Variants in COL5A2 observed in about 807,000 individuals in gnomAD.
COL5A2 encodes the protein collagen type V alpha 2 chain.
COL5A2 carries 23 observed loss-of-function variants against 208.2 expected under a neutral mutation model. That is an observed-to-expected ratio of 0.11 (90% CI 0.08 to 0.16). The LOEUF (loss-of-function observed/expected upper bound fraction) is 0.16, where lower values mean the gene tolerates loss of function less well. Among genes scored for constraint, COL5A2 ranks in the 10% least tolerant of loss-of-function variants. The pLI is 1.00. For missense variants in COL5A2, 1,590 were observed against 1,956.4 expected (o/e 0.81, Z 3.53); for synonymous variants, 625 against 628.5 (o/e 0.99, Z 0.08).
Position 189,068,261 on chromosome 2 carries a change from C to T in COL5A2, c.1267G>A (p.Gly423Arg). The stretch of plus-strand genomic sequence containing the variant: ...TTGGCACCAGGAGTACCATCAGTTC[C>T]TATTGCACCCTAAAAGGTACATTAA... Reference protein sequence around the residue: ...VGSPGLPGAIGTDGTPGAKGP... With the variant: ...VGSPGLPGAIRTDGTPGAKGP... Residue 423 changes from glycine (G) to arginine (R), a missense_variant, in exon 20 of 54, where the codon GGA becomes AGA. By Grantham distance (125) the Gly-to-Arg change is moderately radical. Coordinates refer to ENST00000374866, the MANE Select transcript of COL5A2 (RefSeq NM_000393.5). 1.2e-6 allele frequency: 2 copies of T among 1,612,616 alleles called. No individual in the cohort carries two copies. Among genetic ancestry groups the T allele is most frequent in the Non-Finnish European group, 1.7e-6 (2 of 1,178,774 alleles).
At chr2:189,095,257 ATTCTG>A (rs1686882789) in intron 6 of COL5A2, 8 of 152,166 alleles carry the variant, frequency 5.3e-5, no homozygotes, top group Admixed American at 5.2e-4. Context: ...ACCTATGGGC[ATTCTG>A]TTACATCATG....
chr2:189,331,823 A>T, the COL5A2 span, among the ~76,000 whole-genome samples: 1 of 151,934 alleles, frequency 6.6e-6, no homozygotes, highest in South Asian at 2.1e-4. Flanking sequence ...GGTGACGGGC[A>T]CCTGTAGTCC....
chr2:189,299,425 G>A, the COL5A2 span, among the ~76,000 whole-genome samples: 5 of 152,120 alleles, frequency 3.3e-5, no homozygotes, highest in Non-Finnish European at 5.9e-5. Flanking sequence ...AGCCCACCTC[G>A]ATACGTGGCT....
the COL5A2 span, among the ~76,000 whole-genome samples, chr2:189,240,463 T>C: frequency 1.3e-5 from 2 of 152,184 alleles, no homozygotes; most frequent in East Asian, 1.9e-4. Flanking sequence ...TCAAATACTA[T>C]CACACTGGGG....
chr2:189,091,996 C>T (rs578105468), intron 7 of COL5A2, among the ~76,000 whole-genome samples: 1 of 152,194 alleles, frequency 6.6e-6, no homozygotes, highest in East Asian at 1.9e-4. Flanking sequence ...ACAGATAAAT[C>T]TCTCATTTCA....
At chr2:189,298,001 T>C in the COL5A2 span, among the ~76,000 whole-genome samples, 1 of 152,224 alleles carries the variant, frequency 6.6e-6, no homozygotes. Flanking sequence ...CAATGTAAAG[T>C]TGCAATCTCA....
At chr2:189,175,186 A>C (rs2105824336) in intron 1 of COL5A2, among the ~76,000 whole-genome samples, 1 of 152,288 alleles carries the variant, frequency 6.6e-6, no homozygotes, top group South Asian at 2.1e-4. Context: ...CACCCAGGTA[A>C]GGGCTACATT....
chr2:189,292,938 G>T, the COL5A2 span, among the ~76,000 whole-genome samples: 1 of 152,146 alleles, frequency 6.6e-6, no homozygotes, highest in South Asian at 2.1e-4. Flanking sequence ...AAAATGATGA[G>T]TTCATGTCCT....
At chr2:189,167,349 A>G (rs1348065899) in intron 1 of COL5A2, among the ~76,000 whole-genome samples, 1 of 152,174 alleles carries the variant, frequency 6.6e-6, no homozygotes, top group African/African-American at 2.4e-5. Flanking sequence ...CTTAGAGCCT[A>G]TTCACTGATT....
intron 1 of COL5A2, among the ~76,000 whole-genome samples, chr2:189,110,807 T>C (rs534682978): frequency 1.3e-5 from 2 of 152,188 alleles, no homozygotes; most frequent in South Asian, 2.1e-4. Flanking sequence ...AGAAAATGAA[T>C]AGCTCAAAGG....
the COL5A2 span, among the ~76,000 whole-genome samples, chr2:189,389,723 T>C: frequency 6.6e-6 from 1 of 152,168 alleles, no homozygotes; most frequent in Admixed American, 6.5e-5. Context: ...AGTTCCTAAT[T>C]CCCACATCTC....
chr2:189,065,069 C>G lies in COL5A2; in HGVS notation c.1564-12G>C. On this transcript the variant is annotated splice_polypyrimidine_tract_variant and intron_variant, in intron 23 of 53. Transcript: ENST00000374866. The stretch of plus-strand genomic sequence containing the variant: ...TTGCCAGGAGCACCCTACAAATGAC[C>G]AAAATGTGATTCTTAATTGTTGTTG... 2 of 1,612,662 alleles carry G rather than the reference C, an allele frequency of 1.2e-6. No individual in the cohort carries two copies. Among genetic ancestry groups the G allele is most frequent in the Non-Finnish European group, 1.7e-6 (2 of 1,179,176 alleles).
At chr2:189,266,757 G>A in the COL5A2 span, among the ~76,000 whole-genome samples, 1 of 152,002 alleles carries the variant, frequency 6.6e-6, no homozygotes, top group African/African-American at 2.4e-5. Context: ...CTTTAAAGAG[G>A]TGAATTTATG....
chr2:189,156,054 G>T (rs1342241940), intron 1 of COL5A2, among the ~76,000 whole-genome samples: 1 of 152,106 alleles, frequency 6.6e-6, no homozygotes, highest in Non-Finnish European at 1.5e-5. Context: ...GGATGCTGGA[G>T]ATTACATGGG....
chr2:189,328,384 G>A, the COL5A2 span, among the ~76,000 whole-genome samples: 1 of 152,202 alleles, frequency 6.6e-6, no homozygotes, highest in African/African-American at 2.4e-5. Context: ...CTCCCAGAGA[G>A]CTAAATCACT....
chr2:189,332,362 C>T, the COL5A2 span, among the ~76,000 whole-genome samples: 1 of 152,158 alleles, frequency 6.6e-6, no homozygotes, highest in Admixed American at 6.5e-5. Context: ...ATATATGGAA[C>T]ATTCACCATG....
At chr2:189,160,566 C>T (rs577785432) in intron 1 of COL5A2, among the ~76,000 whole-genome samples, 6 of 152,056 alleles carry the variant, frequency 3.9e-5, no homozygotes, top group Non-Finnish European at 7.4e-5. Context: ...GCTCTTCTTC[C>T]CTTTACAATT....
chr2:189,042,158 T>A (rs923120348), intron 49 of COL5A2, among the ~76,000 whole-genome samples: 2 of 152,202 alleles, frequency 1.3e-5, no homozygotes, highest in Non-Finnish European at 2.9e-5. Context: ...TTTTCTAATT[T>A]TTTCTACAAA....
chr2:189,393,653 T>A, the COL5A2 span, among the ~76,000 whole-genome samples: 12 of 152,290 alleles, frequency 7.9e-5, no homozygotes, highest in South Asian at 2.1e-3. Context: ...CTCAACTCTT[T>A]CCCAATTTAC....
Sources: allele counts gnomAD v4.1 joint callset (sites outside exome capture counted in the v4.1 genomes callset), GRCh38; gene constraint gnomAD v4.1.1; transcripts MANE v1.5; gene names NCBI Gene and HGNC (gene_info 2026-07-23, HGNC 2026-07-21).